LCMT1: variants seen among roughly 807,000 people sequenced by gnomAD.
LCMT1 encodes leucine carboxyl methyltransferase 1.
Under a neutral mutation model 47.7 loss-of-function variants are expected in LCMT1, and 32 were observed. The ratio of observed to expected loss-of-function variants is 0.67; its 90% CI spans 0.51 to 0.90. The LOEUF is 0.90. Ranked by LOEUF, LCMT1 falls within the 40% of genes least tolerant of loss-of-function variation. LCMT1 has a pLI of 0.00. For missense variants in LCMT1, 375 were observed against 415.2 expected, an observed-to-expected ratio of 0.90 and a Z score of 0.84; for synonymous variants, 152 against 149.7, an observed-to-expected ratio of 1.02 and a Z score of -0.11.
At chr16:25,118,586 G>A (rs1959872223) in intron 1 of LCMT1, among the ~76,000 whole-genome samples, 2 of 152,108 alleles carry the variant, frequency 1.3e-5, no homozygotes, top group Admixed American at 1.3e-4. Flanking sequence ...GTGTGAGACG[G>A]TGGGAGATGC....
chr16:25,123,007 G>A (rs1960040303), intron 1 of LCMT1, among the ~76,000 whole-genome samples: 1 of 151,980 alleles, frequency 6.6e-6, no homozygotes, highest in Non-Finnish European at 1.5e-5. Flanking sequence ...TTATAGGTTG[G>A]GAGTTTTGGG....
intron 8 of LCMT1, among the ~76,000 whole-genome samples, chr16:25,169,824 A>G (rs1239114806): frequency 6.6e-6 from 1 of 152,136 alleles, no homozygotes; most frequent in African/African-American, 2.4e-5. Context: ...GATGATTGAT[A>G]TGTCCCTTAA....
At chr16:25,113,259 A>G (rs1056841409) in intron 1 of LCMT1, among the ~76,000 whole-genome samples, 2 of 152,028 alleles carry the variant, frequency 1.3e-5, no homozygotes, top group Non-Finnish European at 2.9e-5. Context: ...AAGGTGGGAG[A>G]AGGAGGCTGA....
Position 25,177,992 on chromosome 16 carries a change from T to TC in LCMT1, c.983-5dup. The TC allele has an allele frequency of 6.2e-7, 1 of 1,613,390 alleles. No homozygotes were observed. The highest frequency in any genetic ancestry group is 8.5e-7 in the Non-Finnish European group (1 of 1,179,502). ...TCTCCTAATGGTGTCTGTGTGTCTC[T>TC]CCCCTCAGGGCTGAAGGAGATAACT... is the stretch of plus-strand genomic sequence containing the variant. On this transcript the variant is annotated splice_polypyrimidine_tract_variant and intron_variant, in intron 10 of 10. Transcript: ENST00000399069.
intron 1 of LCMT1, among the ~76,000 whole-genome samples, chr16:25,113,255 G>T (rs1168161640): frequency 1.3e-5 from 2 of 152,116 alleles, no homozygotes; most frequent in African/African-American, 2.4e-5. Flanking sequence ...TTTAAAGGTG[G>T]GAGAAGGAGG....
intron 1 of LCMT1, among the ~76,000 whole-genome samples, chr16:25,120,576 A>G (rs1053807575): frequency 7.2e-5 from 11 of 151,768 alleles, no homozygotes; most frequent in Admixed American, 6.6e-4. Flanking sequence ...AATTACAGGC[A>G]TGTGCCACCA....
chr16:25,167,043 G>A (rs755343874), intron 7 of LCMT1, among the ~76,000 whole-genome samples: 9 of 152,156 alleles, frequency 5.9e-5, no homozygotes, highest in Non-Finnish European at 1.0e-4. Flanking sequence ...TGTTGAACAA[G>A]TGTTTATTCA....
At chr16:25,114,373 C>T (rs1459302566) in intron 1 of LCMT1, among the ~76,000 whole-genome samples, 1 of 152,168 alleles carries the variant, frequency 6.6e-6, no homozygotes, top group Non-Finnish European at 1.5e-5. Context: ...CACCACCCCC[C>T]TCATTGTCAT....
intron 4 of LCMT1, among the ~76,000 whole-genome samples, chr16:25,148,502 C>A (rs1960947089): frequency 6.6e-6 from 1 of 152,096 alleles, no homozygotes; most frequent in East Asian, 1.9e-4. Context: ...GGTCTGAAGC[C>A]AGGGCACCCA....
intron 5 of LCMT1, chr16:25,160,705 T>G (rs982036241): frequency 2.4e-5 from 12 of 508,978 alleles, no homozygotes; most frequent in Non-Finnish European, 3.9e-5. Flanking sequence ...TTTTATCCAG[T>G]CAATGGAATG....
intron 1 of LCMT1, among the ~76,000 whole-genome samples, chr16:25,112,784 T>A (rs1449238230): frequency 6.6e-6 from 1 of 152,166 alleles, no homozygotes; most frequent in Non-Finnish European, 1.5e-5. Flanking sequence ...ATTATGATTT[T>A]TTTGTGTTGA....
chr16:25,141,003 T>C (rs1960670959), intron 4 of LCMT1: 1 of 152,194 alleles, frequency 6.6e-6, no homozygotes, highest in Admixed American at 6.5e-5. Flanking sequence ...GACTTCCTGC[T>C]GAACAGGGAT....
intron 9 of LCMT1, among the ~76,000 whole-genome samples, chr16:25,171,445 C>A (rs169373): frequency 1.2e-3 from 177 of 151,858 alleles, no homozygotes; most frequent in East Asian, 9.7e-3. Flanking sequence ...CAAAAAAAAA[C>A]CCCAAAAAAC....
chr16:25,148,400 AACAG>A (rs1960943203), intron 4 of LCMT1, among the ~76,000 whole-genome samples: 2 of 152,226 alleles, frequency 1.3e-5, no homozygotes, highest in South Asian at 4.1e-4. Context: ...TCAAACACTG[AACAG>A]ACAGAGAAAA....
intron 3 of LCMT1, among the ~76,000 whole-genome samples, chr16:25,134,203 A>G (rs1383234230): frequency 6.6e-6 from 1 of 152,118 alleles, no homozygotes; most frequent in Non-Finnish European, 1.5e-5. Context: ...TTGTCCCCTA[A>G]TCAGTTCACC....
At chr16:25,141,743 G>A (rs1309407433) in intron 4 of LCMT1, 2 of 152,178 alleles carry the variant, frequency 1.3e-5, no homozygotes, top group Non-Finnish European at 2.9e-5. Context: ...GTGCATACCC[G>A]CCCTTGTTCA....
intron 1 of LCMT1, among the ~76,000 whole-genome samples, chr16:25,120,779 A>T (rs1306368319): frequency 5.7e-5 from 6 of 104,988 alleles, no homozygotes; most frequent in East Asian, 2.6e-4. Flanking sequence ...ATGAGGTCTT[A>T]CTCTGTGGCC....
At chr16:25,167,373 A>G (rs1961618386) in intron 7 of LCMT1, among the ~76,000 whole-genome samples, 1 of 151,260 alleles carries the variant, frequency 6.6e-6, no homozygotes, top group Non-Finnish European at 1.5e-5. Context: ...GCTGGAGTAC[A>G]GTGGTGCCGT....
chr16:25,171,166 G>A (rs1362763451), intron 9 of LCMT1, among the ~76,000 whole-genome samples: 6 of 151,606 alleles, frequency 4.0e-5, no homozygotes, highest in African/African-American at 1.5e-4. Context: ...AACCTGGGGC[G>A]GGGGCAGAGG....
Sources: allele counts gnomAD v4.1 joint callset (sites outside exome capture counted in the v4.1 genomes callset), GRCh38; gene constraint gnomAD v4.1.1; transcripts MANE v1.5; gene names NCBI Gene and HGNC (gene_info 2026-07-23, HGNC 2026-07-21).